Variants in ERC2 observed in about 807,000 individuals in gnomAD.
ERC2 encodes ELKS/RAB6-interacting/CAST family member 2, also known as ERC protein 2.
In ERC2, 42 loss-of-function variants were observed where a neutral mutation model predicts 114.8. The ratio of observed to expected loss-of-function variants is 0.37; its 90% CI spans 0.29 to 0.47. The LOEUF is 0.47. Ranked by LOEUF, ERC2 falls within the 20% of genes least tolerant of loss-of-function variation. ERC2 has a pLI of 0.99. For missense variants in ERC2, 939 were observed against 1,150.7 expected, an observed-to-expected ratio of 0.82 and a Z score of 2.66; for synonymous variants, 454 against 425.5, an observed-to-expected ratio of 1.07 and a Z score of -0.82.
At chr3:56,235,097 G>C (rs201075230) in intron 3 of ERC2, among the ~76,000 whole-genome samples, 3 of 152,240 alleles carry the variant, frequency 2.0e-5, no homozygotes, top group East Asian at 3.9e-4. Context: ...CTTTCACAAA[G>C]AGCCTTCCCT....
chr3:55,930,063 A>T (rs2149400635), intron 13 of ERC2, among the ~76,000 whole-genome samples: 2 of 152,294 alleles, frequency 1.3e-5, no homozygotes, highest in Non-Finnish European at 2.9e-5. Context: ...ACATGGTGAA[A>T]CCCAATCTCA....
chr3:56,116,194 G>C (rs2079223229), intron 6 of ERC2, among the ~76,000 whole-genome samples: 1 of 152,078 alleles, frequency 6.6e-6, no homozygotes, highest in African/African-American at 2.4e-5. Context: ...CACCATATCT[G>C]AATAAAAAGA....
intron 13 of ERC2, among the ~76,000 whole-genome samples, chr3:55,947,692 A>G (rs1451376284): frequency 6.6e-6 from 1 of 152,126 alleles, no homozygotes; most frequent in African/African-American, 2.4e-5. Flanking sequence ...GCCCAGCCAA[A>G]CCCACCCTAG....
intron 14 of ERC2, among the ~76,000 whole-genome samples, chr3:55,743,738 T>C (rs2066129675): frequency 6.6e-6 from 1 of 152,140 alleles, no homozygotes; most frequent in South Asian, 2.1e-4. Context: ...GATCTTTATT[T>C]AGTGCTGGGG....
chr3:56,029,419 A>C (rs1560050150), intron 7 of ERC2, among the ~76,000 whole-genome samples: 1 of 152,184 alleles, frequency 6.6e-6, no homozygotes, highest in South Asian at 2.1e-4. Flanking sequence ...TAATTCTTTA[A>C]CATTTTGGTA....
At chr3:55,869,533 C>A (rs1343059700) in intron 14 of ERC2, among the ~76,000 whole-genome samples, 1 of 151,926 alleles carries the variant, frequency 6.6e-6, no homozygotes, top group African/African-American at 2.4e-5. Context: ...CCTTCTTTAC[C>A]TCCCCAAATT....
At chr3:56,393,458 G>T (rs1169264793) in intron 2 of ERC2, among the ~76,000 whole-genome samples, 1 of 152,060 alleles carries the variant, frequency 6.6e-6, no homozygotes. Flanking sequence ...TCCTACACAG[G>T]TAAGGTTCCT....
intron 2 of ERC2, among the ~76,000 whole-genome samples, chr3:56,432,191 G>A (rs1399482396): frequency 1.3e-5 from 2 of 152,214 alleles, no homozygotes; most frequent in Non-Finnish European, 2.9e-5. Context: ...CACTGGCAGT[G>A]TAATGCATCC....
chr3:56,001,452 A>T (rs1560003418), intron 10 of ERC2, among the ~76,000 whole-genome samples: 1 of 152,150 alleles, frequency 6.6e-6, no homozygotes, highest in Non-Finnish European at 1.5e-5. Flanking sequence ...GGGGGAGTTA[A>T]AATAATGAGA....
rs77372572 is a variant in ERC2, at chr3:55,603,757, A to G, written c.*39+80037T>C. On this transcript the variant is annotated intron_variant, in intron 17 of 17. Coordinates refer to ENST00000288221, the MANE Select transcript of ERC2 (RefSeq NM_015576.3). Reference sequence around the variant, plus strand: ...CATTATGAAGAAAATCCTGAGATACAGTATTTTCACATTCCATAAAAATCT... The same window carrying G: ...CATTATGAAGAAAATCCTGAGATACGGTATTTTCACATTCCATAAAAATCT... 8.5e-3 allele frequency among the ~76,000 whole-genome samples: 1,296 copies of G among 152,228 alleles called. 21 individuals are homozygous for G. Among genetic ancestry groups the G allele is most frequent in the African/African-American group, 0.029 (1,224 of 41,504 alleles).
chr3:56,100,737 C>T (rs1055050654), intron 6 of ERC2, among the ~76,000 whole-genome samples: 1 of 152,162 alleles, frequency 6.6e-6, no homozygotes, highest in Admixed American at 6.5e-5. Flanking sequence ...GGGCATGCTC[C>T]CATGCCATTC....
intron 12 of ERC2, among the ~76,000 whole-genome samples, chr3:55,977,663 C>T (rs79925663): frequency 0.018 from 2,765 of 152,246 alleles, 76 homozygotes; most frequent in East Asian, 0.073. Context: ...CTGTAGAGGA[C>T]GAGTGGTAAA....
At chr3:55,628,122 C>T (rs1027051530) in intron 17 of ERC2, among the ~76,000 whole-genome samples, 5 of 73,304 alleles carry the variant, frequency 6.8e-5, no homozygotes, top group African/African-American at 3.9e-4. Flanking sequence ...CATTTTTCTT[C>T]CCAAGGAAGC....
At chr3:56,242,541 A>C (rs1435659191) in intron 3 of ERC2, among the ~76,000 whole-genome samples, 1 of 152,182 alleles carries the variant, frequency 6.6e-6, no homozygotes, top group Non-Finnish European at 1.5e-5. Context: ...TACATTTATA[A>C]GCTCATAACA....
At chr3:55,853,108 CT>C (rs1228447809) in intron 14 of ERC2, among the ~76,000 whole-genome samples, 1 of 152,328 alleles carries the variant, frequency 6.6e-6, no homozygotes, top group East Asian at 1.9e-4. Flanking sequence ...ACAATCGCCC[CT>C]GGTTGAGAAC....
chr3:55,910,108 G>A (rs982608636), intron 13 of ERC2, among the ~76,000 whole-genome samples: 3 of 151,980 alleles, frequency 2.0e-5, no homozygotes, highest in African/African-American at 7.2e-5. Flanking sequence ...GAAAACATTG[G>A]GCTGGCCACA....
Position 55,681,604 on chromosome 3 carries a change from C to A in ERC2, c.*39+2190G>T, listed in dbSNP as rs149447657. ...TTTTAAAAGCCTGAGGATATCTAAG[C>A]AAACTTGTTTAAAGGAGTCATAAAG... On this transcript the variant is annotated intron_variant, in intron 17 of 17. Coordinates refer to ENST00000288221, the MANE Select transcript of ERC2 (RefSeq NM_015576.3). 1.8e-3 allele frequency among the ~76,000 whole-genome samples: 281 copies of A among 152,272 alleles called. 2 individuals are homozygous for A. Among genetic ancestry groups the A allele is most frequent in the African/African-American group, 6.5e-3 (272 of 41,556 alleles).
chr3:55,555,958 C>T (rs2055576562), intron 17 of ERC2, among the ~76,000 whole-genome samples: 1 of 152,186 alleles, frequency 6.6e-6, no homozygotes, highest in South Asian at 2.1e-4. Flanking sequence ...CCTTAAATGC[C>T]TATCCCCCAA....
intron 14 of ERC2, among the ~76,000 whole-genome samples, chr3:55,758,651 CA>C (rs1340293428): frequency 6.6e-6 from 1 of 152,200 alleles, no homozygotes; most frequent in African/African-American, 2.4e-5. Flanking sequence ...GGCGTTCAGA[CA>C]AGGTGGGTCA....
Sources: gnomAD v4.1 joint callset for allele counts (sites outside exome capture counted in the v4.1 genomes callset) on GRCh38, gnomAD v4.1.1 for gene constraint, MANE v1.5 for transcripts, NCBI Gene and HGNC (gene_info 2026-07-23, HGNC 2026-07-21) for gene names.